The following PCDHGB1 variants were observed in gnomAD, a reference collection of about 807,000 sequenced individuals.
PCDHGB1 encodes protocadherin gamma subfamily B, 1.
In PCDHGB1, 34 loss-of-function variants were observed where a neutral mutation model predicts 56.6. The ratio of observed to expected loss-of-function variants is 0.60; its 90% CI spans 0.46 to 0.80. The LOEUF is 0.80. Among genes scored for constraint, PCDHGB1 ranks in the 30% least tolerant of loss-of-function variants. The pLI, the probability that PCDHGB1 is intolerant of heterozygous loss-of-function variation, is 0.00. For missense variants in PCDHGB1, 1,278 were observed against 1,204.6 expected (o/e 1.06, Z -0.90); for synonymous variants, 561 against 505.9 (o/e 1.11, Z -1.46).
chr5:141,462,552 T>G (rs966816379), intron 1 of PCDHGB1, among the ~76,000 whole-genome samples: 4 of 152,194 alleles, frequency 2.6e-5, no homozygotes, highest in African/African-American at 9.6e-5. Context: ...TCTTCTTCAG[T>G]GTTTACTGTA....
At chr5:141,447,149 T>C (rs2098528211) in intron 1 of PCDHGB1, among the ~76,000 whole-genome samples, 1 of 152,212 alleles carries the variant, frequency 6.6e-6, no homozygotes, top group African/African-American at 2.4e-5. Flanking sequence ...TTTGTTTTTG[T>C]TTTTGTTTAA....
chr5:141,485,888 G>T lies in PCDHGB1; in HGVS notation c.2410-8919G>T, dbSNP rs1166795987. 3 of 1,614,028 alleles carry T rather than the reference G, an allele frequency of 1.9e-6. No homozygotes were observed. The highest frequency in any genetic ancestry group is 2.5e-6 in the Non-Finnish European group (3 of 1,180,032). ...ATCCGTGCTGGACGTAAACGACAAC[G>T]CCCCAGCCTTCCAGCAATCCAGCTA... On this transcript the variant is annotated intron_variant, in intron 1 of 3. Coordinates refer to ENST00000523390, the MANE Select transcript of PCDHGB1 (RefSeq NM_018922.3). The surrounding 1 kb of genome is among the most constrained non-coding windows in gnomAD (Gnocchi z 5.7).
At chr5:141,508,570 C>T (rs1164806696) in intron 3 of PCDHGB1, among the ~76,000 whole-genome samples, 21 of 152,198 alleles carry the variant, frequency 1.4e-4, no homozygotes. Context: ...GTCACTTGCA[C>T]CCACTCGGGG....
chr5:141,422,078 A>G lies in PCDHGB1; in HGVS notation c.2409+69409A>G, dbSNP rs1442545718. 11 of 1,612,298 alleles carry G rather than the reference A, an allele frequency of 6.8e-6. No homozygotes were observed. In the South Asian group the frequency reaches 8.8e-5, roughly 13 times the overall value. Reference sequence around the variant, plus strand: ...GGGGAAGTAATGTATTCATTTCGGAACATGGAAAGCAAGGCTTCTGAAATA... The same window carrying G: ...GGGGAAGTAATGTATTCATTTCGGAGCATGGAAAGCAAGGCTTCTGAAATA... On this transcript the variant is annotated intron_variant, in intron 1 of 3. Coordinates refer to ENST00000523390, the MANE Select transcript of PCDHGB1 (RefSeq NM_018922.3).
At chr5:141,369,400 T>A (rs1766214722) in intron 1 of PCDHGB1, among the ~76,000 whole-genome samples, 2 of 152,120 alleles carry the variant, frequency 1.3e-5, no homozygotes, top group Non-Finnish European at 2.9e-5. Flanking sequence ...GCCAGGGTGG[T>A]TCATGACTAT....
At chr5:141,357,084 C>T (rs1399515564) in intron 1 of PCDHGB1, 4 of 1,613,912 alleles carry the variant, frequency 2.5e-6, no homozygotes, top group South Asian at 2.2e-5. Flanking sequence ...AGGTGCGCAC[C>T]GCACGGGCCC....
intron 1 of PCDHGB1, chr5:141,357,188 C>A: frequency 1.2e-6 from 2 of 1,613,782 alleles, no homozygotes; most frequent in Non-Finnish European, 1.7e-6. Context: ...CTCACTGTGG[C>A]TGTGGCCGAC....
intron 1 of PCDHGB1, chr5:141,357,136 G>A: frequency 1.2e-6 from 2 of 1,613,540 alleles, no homozygotes; most frequent in Non-Finnish European, 1.7e-6. Context: ...TGTAGTGGTC[G>A]TCCAGGACCA....
intron 1 of PCDHGB1, chr5:141,371,953 T>G: frequency 6.2e-7 from 1 of 1,613,260 alleles, no homozygotes; most frequent in South Asian, 1.1e-5. Context: ...CAGCGAGCCT[T>G]CGACCACGAG....
At chr5:141,428,187 C>G in intron 1 of PCDHGB1, 3 of 1,439,502 alleles carry the variant, frequency 2.1e-6, no homozygotes, top group South Asian at 1.2e-5. Flanking sequence ...GGACAGCCGC[C>G]GCTCTCTGCG....
intron 1 of PCDHGB1, chr5:141,397,974 C>T: frequency 1.7e-6 from 2 of 1,174,456 alleles, no homozygotes; most frequent in Non-Finnish European, 1.2e-6. Context: ...TCCCCAGCGC[C>T]GGCCTTTACA....
Position 141,486,886 on chromosome 5 carries a change from G to A in PCDHGB1, c.2410-7921G>A. The A allele has an allele frequency of 1.9e-6, 3 of 1,614,222 alleles. No individual in the cohort carries two copies. The highest frequency in any genetic ancestry group is 2.5e-6 in the Non-Finnish European group (3 of 1,180,044). ...CAGCTGTGCTCCGTCCTCGGGCCCGGCCTGGTTCCTTATGTCCCCAAGCAC... is the reference window on the plus strand; with the variant it reads ...CAGCTGTGCTCCGTCCTCGGGCCCGACCTGGTTCCTTATGTCCCCAAGCAC... On this transcript the variant is annotated intron_variant, in intron 1 of 3. Coordinates refer to ENST00000523390, the MANE Select transcript of PCDHGB1 (RefSeq NM_018922.3). This position sits in a 1 kb window ranked among gnomAD's most constrained non-coding sequence, Gnocchi z 5.0.
At chr5:141,375,474 A>G (rs369592332) in intron 1 of PCDHGB1, 1 of 1,613,772 alleles carries the variant, frequency 6.2e-7, no homozygotes, top group African/African-American at 1.3e-5. Flanking sequence ...GTCCTTGAAA[A>G]CAACCCCAGG....
chr5:141,392,280 G>A (rs1299678398), intron 1 of PCDHGB1: 3 of 152,190 alleles, frequency 2.0e-5, no homozygotes, highest in African/African-American at 7.2e-5. Context: ...AAAGCTTAGA[G>A]CACAATGGGA....
At chr5:141,385,719 G>A (rs970031267) in intron 1 of PCDHGB1, 6 of 232,964 alleles carry the variant, frequency 2.6e-5, no homozygotes, top group Non-Finnish European at 3.6e-5. Context: ...ATATGTAAAA[G>A]GTTCTGAAAG....
chr5:141,419,700 C>T, intron 1 of PCDHGB1: 2 of 1,612,974 alleles, frequency 1.2e-6, no homozygotes, highest in Non-Finnish European at 1.7e-6. Context: ...GCCAGTGAGC[C>T]CGGGCTCTTC....
At chr5:141,424,526 T>C (rs1020206614) in intron 1 of PCDHGB1, 2 of 152,216 alleles carry the variant, frequency 1.3e-5, no homozygotes, top group Non-Finnish European at 2.9e-5. Context: ...AGTAAATCCA[T>C]ATATAGAAAT....
At chr5:141,392,465 C>A (rs2092539675) in intron 1 of PCDHGB1, 2 of 174,278 alleles carry the variant, frequency 1.1e-5, no homozygotes, top group Admixed American at 6.2e-5. Flanking sequence ...ACGGATAAAT[C>A]AAATAAATTC....
At chr5:141,355,215 T>G in intron 1 of PCDHGB1, 1 of 1,603,504 alleles carries the variant, frequency 6.2e-7, no homozygotes, top group South Asian at 1.1e-5. Context: ...CGGCGCCTCC[T>G]GCTCGCCCAG....
Sources: allele counts gnomAD v4.1 joint callset (sites outside exome capture counted in the v4.1 genomes callset), GRCh38; gene constraint gnomAD v4.1.1; non-coding constraint Gnocchi (gnomAD v3.1); transcripts MANE v1.5; gene names NCBI Gene and HGNC (gene_info 2026-07-23, HGNC 2026-07-21).